Variants in SAMD11 observed in about 807,000 individuals in gnomAD.
SAMD11 encodes sterile alpha motif domain containing 11.
Under a neutral mutation model 64.4 loss-of-function variants are expected in SAMD11, and 77 were observed. The ratio of observed to expected loss-of-function variants is 1.20; its 90% CI spans 0.99 to 1.44. SAMD11 has a LOEUF of 1.44. Among genes scored for constraint, SAMD11 ranks in the 40% most tolerant of loss-of-function variants. The probability of loss-of-function intolerance (pLI) is 0.00; values close to 1 mark genes in which losing one functional copy is unlikely to be tolerated. For missense variants in SAMD11, 1,402 were observed against 943.3 expected, an observed-to-expected ratio of 1.49 and a Z score of -6.37; for synonymous variants, 658 against 421.9, an observed-to-expected ratio of 1.56 and a Z score of -6.86.
chr1:939,328 T>C lies in SAMD11; in HGVS notation c.1111T>C (p.Tyr371His). ...LGPSMAPEDH[Y>H]RRLVSALSEA... ...GCCCAGCATGGCCCCGGAGGACCAT[T>C]ACCGCCGGCTTGTGTCAGCACTGAG... The change falls in exon 7 of 14, where the codon TAC becomes CAC. Residue 371 changes from tyrosine (Y) to histidine (H), a missense_variant. Physicochemically the swap from Tyr to His is moderately conservative, Grantham distance 83. Transcript: ENST00000616016. 4 of 1,611,952 alleles carry C rather than the reference T, an allele frequency of 2.5e-6. No individual in the cohort carries two copies. In the Admixed American group the frequency reaches 6.7e-5, roughly 27 times the overall value.
rs751035336 is a variant in SAMD11 at position 939,112 on chromosome 1, G to A, written c.1040G>A (p.Arg347Gln). The A allele has an allele frequency of 1.3e-4, 203 of 1,597,302 alleles. No individual in the cohort carries two copies. Among genetic ancestry groups the A allele is most frequent in the Non-Finnish European group, 1.7e-4 (197 of 1,172,110 alleles). The stretch of plus-strand genomic sequence containing the variant: ...GACTGCTTTTCAGAGAAGAGGGCAC[G>A]AAGCGAATCGCCTCAAGGTAAGAGC... ...SSDCFSEKRA[R>Q]SESPQEALLL... The change falls in exon 6 of 14, where the codon CGA (arginine) becomes CAA (glutamine). Residue 347 changes from arginine (R) to glutamine (Q), a missense_variant. By Grantham distance (43) the Arg-to-Gln change is conservative (BLOSUM62 1). Coordinates refer to ENST00000616016, the MANE Select transcript of SAMD11 (RefSeq NM_001385641.1).
At chr1:932,490 C>T (rs1208184136) in intron 4 of SAMD11, among the ~76,000 whole-genome samples, 4 of 152,164 alleles carry the variant, frequency 2.6e-5, no homozygotes, top group Non-Finnish European at 5.9e-5. Context: ...CTGGGGTCCC[C>T]GGAGGAGAAG....
At chr1:933,168 G>A (rs1356433458) in intron 4 of SAMD11, among the ~76,000 whole-genome samples, 2 of 152,348 alleles carry the variant, frequency 1.3e-5, no homozygotes, top group Admixed American at 1.3e-4. Flanking sequence ...TCTGTGGTTC[G>A]AGGACCATGC....
At chr1:940,897 A>C (rs957307985) in intron 7 of SAMD11, among the ~76,000 whole-genome samples, 1 of 152,024 alleles carries the variant, frequency 6.6e-6, no homozygotes, top group African/African-American at 2.4e-5. Flanking sequence ...CTCAGGCCGG[A>C]AGCCTCCAGG....
chr1:933,716 C>G (rs1641275836), intron 4 of SAMD11, among the ~76,000 whole-genome samples: 1 of 150,184 alleles, frequency 6.7e-6, no homozygotes, highest in Non-Finnish European at 1.5e-5. Context: ...GTACTTACTC[C>G]CACCCAGCTG....
chr1:938,893 G>A (rs1641600412), intron 5 of SAMD11, 147 bp from the exon 6 acceptor site: 1 of 712,538 alleles, frequency 1.4e-6, no homozygotes, highest in Admixed American at 2.2e-5. Context: ...TGAAGGCTGG[G>A]GCTGCCAGGG....
intron 2 of SAMD11, among the ~76,000 whole-genome samples, chr1:928,321 G>A (rs980664926): frequency 6.6e-5 from 10 of 152,240 alleles, no homozygotes; most frequent in Non-Finnish European, 1.2e-4. Context: ...GAACCCGGGA[G>A]GCGGAGCTTG....
In SAMD11 at chr1:942,461, A is replaced by T; in HGVS notation, c.1526A>T (p.Glu509Val). The change falls in exon 10 of 14, where the codon GAG becomes GTG. Residue 509 changes from glutamate to valine, a missense_variant. By Grantham distance (121) the Glu-to-Val change is moderately radical (BLOSUM62 -2). Coordinates refer to ENST00000616016, the MANE Select transcript of SAMD11 (RefSeq NM_001385641.1). The stretch of plus-strand genomic sequence containing the variant: ...GCGGAGATGTTCGCCTGGCAGCAGG[A>T]GCTCCTGCGGAAGCAGAACCTGGCC... The part of the protein sequence containing the change: ...AQAEMFAWQQ[E>V]LLRKQNLARL... The T allele has an allele frequency of 6.7e-7, 1 of 1,486,824 alleles. No individual in the cohort carries two copies. Among genetic ancestry groups the T allele is most frequent in the Admixed American group, 2.2e-5 (1 of 45,550 alleles). 92.1% of individuals were successfully genotyped at this position (1,486,824 alleles called of 1,614,324 possible). A position where few individuals can be genotyped will look rare whatever the true frequency, so the allele number is the denominator to read the frequency against.
chr1:942,901 G>T lies in SAMD11; in HGVS notation c.1896G>T (p.Ser632=), dbSNP rs998173446. 3 of 1,555,154 alleles carry T rather than the reference G, an allele frequency of 1.9e-6. No individual in the cohort carries two copies. The highest frequency in any genetic ancestry group is 2.7e-5 in the African/African-American group (2 of 73,488). Residue 632 remains serine, a synonymous_variant, in exon 11 of 14, where the codon TCG becomes TCT. Transcript: ENST00000616016. ...DGSEDEPPKD[S]DGEDPETAAV... is the part of the protein sequence containing the mutation. ...CGGAAGACGAGCCCCCCAAAGACTC[G>T]GACGGAGAGGACCCCGAGACGGCAG...
chr1:927,759 G>A (rs947352000), intron 2 of SAMD11, among the ~76,000 whole-genome samples: 4 of 152,246 alleles, frequency 2.6e-5, no homozygotes, highest in Non-Finnish European at 5.9e-5. Context: ...CAGGGGCCGA[G>A]TTTTCAGATC....
chr1:941,075 G>T, intron 7 of SAMD11, 69 bp from the exon 8 acceptor site: 5 of 1,426,428 alleles, frequency 3.5e-6, no homozygotes, highest in Non-Finnish European at 3.8e-6. Context: ...AGTGTTCTAC[G>T]CCAGGACGCG....
At chr1:925,251 G>C (rs954058428) in intron 1 of SAMD11, 1 of 152,294 alleles carries the variant, frequency 6.6e-6, no homozygotes. Flanking sequence ...CGAGAGAGCG[G>C]GCAGGAGGCG....
chr1:931,124 C>G, intron 4 of SAMD11, 35 bp downstream of exon 4: 2 of 1,570,440 alleles, frequency 1.3e-6, no homozygotes, highest in East Asian at 2.3e-5. Context: ...AAGAGGGGGC[C>G]GTGACTCCCC....
intron 5 of SAMD11, 44 bp from the exon 6 acceptor site, chr1:938,996 T>G (rs770288137): frequency 7.2e-6 from 11 of 1,522,602 alleles, no homozygotes; most frequent in Middle Eastern, 1.7e-4. Context: ...GGGTTCCCCT[T>G]CCATTCCTTG....
intron 11 of SAMD11, 67 bp from the exon 12 acceptor site, chr1:943,186 G>A (rs1368549782): frequency 1.2e-6 from 2 of 1,606,766 alleles, no homozygotes; most frequent in East Asian, 2.2e-5. Context: ...TGGGGCACAC[G>A]ACGGTCAGGA....
At position 924,560 on chromosome 1, in the gene SAMD11, G is replaced by C. The variant is rs1569853916; in HGVS notation, c.129G>C (p.Ala43=). Residue 43 remains alanine (A), a synonymous_variant, in exon 1 of 14, where the codon GCG becomes GCC. Transcript: ENST00000616016. ...LPGYLAPLPA[A]AALPPAASLP... ...GCTACCTGGCGCCACTGCCCGCGGC[G>C]GCCGCCCTCCCCCCGGCCGCCTCGC... is the stretch of plus-strand genomic sequence containing the variant. 1 of 150,680 alleles carries C rather than the reference G, an allele frequency of 6.6e-6. No homozygotes were observed. Among genetic ancestry groups the C allele is most frequent in the Admixed American group, 6.6e-5 (1 of 15,078 alleles). 9.3% of individuals were successfully genotyped at this position (150,680 alleles called of 1,614,324 possible).
chr1:930,061 G>A (rs1641097561), intron 2 of SAMD11, 94 bp from the exon 3 acceptor site: 18 of 1,409,246 alleles, frequency 1.3e-5, no homozygotes, highest in South Asian at 9.9e-5. Flanking sequence ...AGACCCCCGG[G>A]AGATGGAACG....
At chr1:927,068 TGGGCAG>T (rs1350075111) in intron 2 of SAMD11, among the ~76,000 whole-genome samples, 1 of 152,116 alleles carries the variant, frequency 6.6e-6, no homozygotes, top group African/African-American at 2.4e-5. Context: ...TACAGCATGT[TGGGCAG>T]GGGAAGGGGA....
intron 4 of SAMD11, among the ~76,000 whole-genome samples, chr1:932,732 C>G (rs115640463): frequency 1.3e-5 from 2 of 152,252 alleles, no homozygotes; most frequent in African/African-American, 4.8e-5. Flanking sequence ...CCCATCTGTC[C>G]GTCTGTCCTT....
Sources: gnomAD v4.1 joint callset for allele counts (sites outside exome capture counted in the v4.1 genomes callset) on GRCh38, gnomAD v4.1.1 for gene constraint, MANE v1.5 for transcripts, NCBI Gene and HGNC (gene_info 2026-07-23, HGNC 2026-07-21) for gene names.